The following MYH9 variants were observed in gnomAD, a reference collection of about 807,000 sequenced individuals.
MYH9 encodes the protein myosin heavy chain 9.
Under a neutral mutation model 241.9 loss-of-function variants are expected in MYH9, and 29 were observed. The observed-to-expected ratio is 0.12, with a 90% CI of 0.09 to 0.16. The LOEUF (loss-of-function observed/expected upper bound fraction) is 0.16, where lower values mean the gene tolerates loss of function less well. MYH9 is among the 10% of genes least tolerant of loss of function. The pLI is 1.00. For synonymous variants in MYH9, 1,047 were observed against 1,062.6 expected (o/e 0.99, Z 0.29); for missense variants, 1,803 against 2,595.5 (o/e 0.69, Z 6.63).
At chr22:36,353,521 C>G (rs564075444) in intron 1 of MYH9, among the ~76,000 whole-genome samples, 2 of 151,908 alleles carry the variant, frequency 1.3e-5, no homozygotes, top group Non-Finnish European at 2.9e-5. Context: ...CCACCACAGC[C>G]GGCTAATTTT....
Position 36,364,567 on chromosome 22 carries a change from G to A in MYH9, c.-19-15312C>T, listed in dbSNP as rs574279345. 2.0e-4 allele frequency among the ~76,000 whole-genome samples: 31 copies of A among 152,288 alleles called. 1 individual carries two copies. The Middle Eastern group carries it at 0.02, about 100-fold the overall frequency. On this transcript the variant is annotated intron_variant, in intron 1 of 40. Transcript: ENST00000216181. Reference sequence around the variant, plus strand: ...ACCCACAATGGGCCATAGCTTCTCTGTGGCCATCCAGGGTCCTCACCCTCC... The same window carrying A: ...ACCCACAATGGGCCATAGCTTCTCTATGGCCATCCAGGGTCCTCACCCTCC...
chr22:36,361,464 A>G (rs1271089188), intron 1 of MYH9, among the ~76,000 whole-genome samples: 1 of 152,206 alleles, frequency 6.6e-6, no homozygotes, highest in African/African-American at 2.4e-5. Context: ...CTGGCACCGA[A>G]GGAAACTCAG....
chr22:36,339,501 T>C (rs1445351810), intron 3 of MYH9, among the ~76,000 whole-genome samples: 2 of 152,198 alleles, frequency 1.3e-5, no homozygotes, highest in African/African-American at 2.4e-5. Flanking sequence ...TCAAGATATT[T>C]TGATAGACGT....
At chr22:36,383,960 GAAA>G (rs113872567) in intron 1 of MYH9, among the ~76,000 whole-genome samples, 1 of 115,114 alleles carries the variant, frequency 8.7e-6, no homozygotes, top group Non-Finnish European at 1.8e-5. Context: ...ACCCTGTCTC[GAAA>G]AAAAAAAAAA....
intron 1 of MYH9, among the ~76,000 whole-genome samples, chr22:36,363,042 C>T (rs557999084): frequency 6.6e-6 from 1 of 152,348 alleles, no homozygotes; most frequent in East Asian, 1.9e-4. Context: ...TTTGCTTCAG[C>T]TGTCACCCAG....
chr22:36,296,678 T>C (rs2016792758), intron 25 of MYH9, among the ~76,000 whole-genome samples, 165 bp downstream of exon 25: 1 of 151,932 alleles, frequency 6.6e-6, no homozygotes, highest in East Asian at 1.9e-4. Flanking sequence ...CCCCTCACCA[T>C]GCCCTGAGTG....
rs116427717 is a variant in MYH9 at position 36,283,882 on chromosome 22, A to G, written c.5765+211T>C. Reference sequence around the variant, plus strand: ...CCAATTCAAAAGACAATAGACTTTTAGGACAGCTGGGAATAAACTACCTAG... The same window carrying G: ...CCAATTCAAAAGACAATAGACTTTTGGGACAGCTGGGAATAAACTACCTAG... On this transcript the variant is annotated intron_variant, in intron 40 of 40. Coordinates refer to ENST00000216181, the MANE Select transcript of MYH9 (RefSeq NM_002473.6). 4.3e-3 allele frequency among the ~76,000 whole-genome samples: 655 copies of G among 152,368 alleles called. 6 individuals are homozygous for G. Among genetic ancestry groups the G allele is most frequent in the African/African-American group, 0.013 (536 of 41,584 alleles).
At chr22:36,354,496 G>C (rs1229567807) in intron 1 of MYH9, among the ~76,000 whole-genome samples, 1 of 150,874 alleles carries the variant, frequency 6.6e-6, no homozygotes, top group Admixed American at 6.6e-5. Flanking sequence ...CCAGGCTGGA[G>C]TGCAGTGGCG....
intron 1 of MYH9, among the ~76,000 whole-genome samples, chr22:36,370,275 G>C (rs778746621): frequency 2.0e-5 from 3 of 152,114 alleles, no homozygotes; most frequent in Admixed American, 6.6e-5. Context: ...CCAGACACAC[G>C]CCCATCATGC....
intron 1 of MYH9, among the ~76,000 whole-genome samples, chr22:36,377,211 C>G (rs2018182700): frequency 6.6e-6 from 1 of 152,188 alleles, no homozygotes; most frequent in Non-Finnish European, 1.5e-5. Flanking sequence ...CCGCAGAGGA[C>G]AGCGAGTTCT....
At chr22:36,357,370 C>T (rs1322505794) in intron 1 of MYH9, among the ~76,000 whole-genome samples, 1 of 152,150 alleles carries the variant, frequency 6.6e-6, no homozygotes, top group East Asian at 1.9e-4. Flanking sequence ...GCTCAATAAC[C>T]ACATACAAAA....
At chr22:36,321,951 G>A in intron 6 of MYH9, 130 bp from the exon 7 acceptor site, 1 of 854,208 alleles carries the variant, frequency 1.2e-6, no homozygotes, top group South Asian at 1.4e-5. Context: ...CCAGAGACGG[G>A]ACCCATGTAC....
chr22:36,322,137 T>C (rs776211625), intron 6 of MYH9, among the ~76,000 whole-genome samples: 5 of 152,254 alleles, frequency 3.3e-5, no homozygotes, highest in Non-Finnish European at 7.3e-5. Context: ...ACTAACTGGC[T>C]ACTGGTGACA....
chr22:36,294,848 C>T (rs2016763367), intron 27 of MYH9, 84 bp downstream of exon 27: 6 of 1,580,954 alleles, frequency 3.8e-6, no homozygotes, highest in Non-Finnish European at 5.2e-6. Flanking sequence ...AACCCTGCAA[C>T]TGCTCTGCAG....
At chr22:36,385,480 G>A (rs1337470640) in intron 1 of MYH9, among the ~76,000 whole-genome samples, 2 of 152,096 alleles carry the variant, frequency 1.3e-5, no homozygotes, top group Non-Finnish European at 1.5e-5. Flanking sequence ...GAGCAAGAGC[G>A]GGCAAAAGGC....
chr22:36,358,589 C>T (rs1429545475), intron 1 of MYH9, among the ~76,000 whole-genome samples: 1 of 152,148 alleles, frequency 6.6e-6, no homozygotes, highest in Non-Finnish European at 1.5e-5. Flanking sequence ...AGACCCATAC[C>T]CTCTTCTGGG....
intron 5 of MYH9, among the ~76,000 whole-genome samples, chr22:36,326,233 G>A (rs1229909712): frequency 6.6e-6 from 1 of 152,182 alleles, no homozygotes; most frequent in Non-Finnish European, 1.5e-5. Flanking sequence ...TCAACTTGAG[G>A]ACCAAGTCTT....
chr22:36,311,368 T>TC lies in MYH9; in HGVS notation c.1728+680dup, dbSNP rs1299383274. The stretch of plus-strand genomic sequence containing the variant: ...CACAGCAGTGGCAATTCCCCGCACC[T>TC]CCCCCCCCGAAACTAGGACATGTTT... On this transcript the variant is annotated intron_variant, in intron 14 of 40. Coordinates refer to ENST00000216181, the MANE Select transcript of MYH9 (RefSeq NM_002473.6). Among the ~76,000 whole-genome samples, 336 of 150,098 alleles carry TC rather than the reference T, an allele frequency of 2.2e-3. 2 individuals are homozygous for TC. Among genetic ancestry groups the TC allele is most frequent in the African/African-American group, 7.5e-3 (305 of 40,724 alleles).
chr22:36,308,181 C>T (rs2017002329), intron 15 of MYH9, among the ~76,000 whole-genome samples: 3 of 152,088 alleles, frequency 2.0e-5, no homozygotes, highest in Admixed American at 6.5e-5. Flanking sequence ...CTAAGACACT[C>T]GCAGCCATTC....
Sources: allele counts gnomAD v4.1 joint callset (sites outside exome capture counted in the v4.1 genomes callset), GRCh38; gene constraint gnomAD v4.1.1; transcripts MANE v1.5; gene names NCBI Gene and HGNC (gene_info 2026-07-23, HGNC 2026-07-21).